Variants in TRANK1 observed in about 807,000 individuals in gnomAD.
TRANK1 encodes the protein TPR and ankyrin repeat-containing protein 1.
Under a neutral mutation model 266.0 loss-of-function variants are expected in TRANK1, and 198 were observed. The observed-to-expected ratio is 0.74, with a 90% CI of 0.66 to 0.84. The LOEUF (loss-of-function observed/expected upper bound fraction) is 0.84, where lower values mean the gene tolerates loss of function less well. TRANK1 is among the 40% of genes least tolerant of loss of function. The pLI, the probability that TRANK1 is intolerant of heterozygous loss-of-function variation, is 0.00. For synonymous variants in TRANK1, 1,396 were observed against 1,384.1 expected, an observed-to-expected ratio of 1.01 and a Z score of -0.19; for missense variants, 3,326 against 3,634.6, an observed-to-expected ratio of 0.92 and a Z score of 2.18.
chr3:36,859,915 A>T (rs1250075614), intron 11 of TRANK1, among the ~76,000 whole-genome samples: 1 of 152,166 alleles, frequency 6.6e-6, no homozygotes, highest in Non-Finnish European at 1.5e-5. Flanking sequence ...CCAACACCTA[A>T]AGGCTCTGCA....
intron 1 of TRANK1, among the ~76,000 whole-genome samples, chr3:36,940,622 A>T (rs75269825): frequency 6.6e-6 from 1 of 152,062 alleles, no homozygotes. Context: ...CTGACCTCCC[A>T]TACTTCTTCT....
intron 9 of TRANK1, 100 bp downstream of exon 9, chr3:36,874,026 G>A: frequency 1.0e-6 from 1 of 982,368 alleles, no homozygotes; most frequent in Non-Finnish European, 1.4e-6. Context: ...ATATATGTGT[G>A]TGTATATATA....
At chr3:36,906,691 G>A (rs1382823847) in intron 2 of TRANK1, among the ~76,000 whole-genome samples, 1 of 152,140 alleles carries the variant, frequency 6.6e-6, no homozygotes, top group Non-Finnish European at 1.5e-5. Context: ...GATAAAGGAA[G>A]GAGCCACAAG....
At chr3:36,911,984 C>T (rs1404935657) in intron 1 of TRANK1, among the ~76,000 whole-genome samples, 1 of 152,076 alleles carries the variant, frequency 6.6e-6, no homozygotes, top group African/African-American at 2.4e-5. Context: ...GTCAGGAGTT[C>T]GAGACCAGCC....
intron 10 of TRANK1, among the ~76,000 whole-genome samples, chr3:36,861,631 T>C (rs1018125522): frequency 2.0e-5 from 3 of 152,174 alleles, no homozygotes; most frequent in Admixed American, 2.0e-4. Flanking sequence ...TGTTTCCATC[T>C]GATCTTTGAT....
chr3:36,918,995 T>C (rs2080177370), intron 1 of TRANK1, among the ~76,000 whole-genome samples: 1 of 152,214 alleles, frequency 6.6e-6, no homozygotes, highest in Non-Finnish European at 1.5e-5. Context: ...ATAATTTATG[T>C]GCCCATAAAA....
Position 36,857,640 on chromosome 3 carries a change from G to T in TRANK1, c.2082C>A (p.Ala694=). ...SFKSVPCGAT[A]RTLPEGSAVP... ...CTGCACTTCCTTCAGGCAGTGTTCT[G>T]GCAGTGGCACCACATGGCACTGACT... The change falls in exon 13 of 24, where the codon GCC becomes GCA. Residue 694 remains alanine, a synonymous_variant. Transcript: ENST00000645898. The surrounding 1 kb of genome is among the most constrained non-coding windows in gnomAD (Gnocchi z 4.3). The T allele has an allele frequency of 6.2e-7, 1 of 1,614,006 alleles. No individual in the cohort carries two copies. The highest frequency in any genetic ancestry group is 8.5e-7 in the Non-Finnish European group (1 of 1,179,886).
chr3:36,916,585 T>C (rs537254072), intron 1 of TRANK1, among the ~76,000 whole-genome samples: 79 of 152,072 alleles, frequency 5.2e-4, no homozygotes, highest in South Asian at 4.2e-4. Flanking sequence ...CAAGATCCAA[T>C]TGATACTTCC....
At chr3:36,881,013 G>A (rs1345740666) in intron 8 of TRANK1, among the ~76,000 whole-genome samples, 4 of 150,612 alleles carry the variant, frequency 2.7e-5, no homozygotes, top group African/African-American at 7.3e-5. Flanking sequence ...TGGGTCTGTG[G>A]CATCTACAAC....
At chr3:36,911,010 C>T (rs1316219362) in intron 1 of TRANK1, among the ~76,000 whole-genome samples, 3 of 152,058 alleles carry the variant, frequency 2.0e-5, no homozygotes, top group African/African-American at 7.2e-5. Flanking sequence ...GCAGAGGTTG[C>T]AGTGAGCCAA....
intron 3 of TRANK1, among the ~76,000 whole-genome samples, chr3:36,900,679 C>T (rs2079861482): frequency 6.6e-6 from 1 of 151,302 alleles, no homozygotes; most frequent in South Asian, 2.1e-4. Flanking sequence ...AGTTCAAGAC[C>T]AGCCTGGGCA....
chr3:36,851,332 C>A lies in TRANK1; in HGVS notation c.4887+387G>T, dbSNP rs114304891. 2.2e-4 allele frequency: 224 copies of A among 1,001,064 alleles called. No individual in the cohort carries two copies. In the African/African-American group the frequency reaches 2.8e-3, roughly 12 times the overall value. 62.0% of individuals were successfully genotyped at this position (1,001,064 alleles called of 1,614,324 possible). The stretch of plus-strand genomic sequence containing the variant: ...GTCTCTATCTATGAACTGACCTTAC[C>A]CAGTTCTGTCATCACAGGGTGGACA... On this transcript the variant is annotated intron_variant, in intron 15 of 23. Transcript: ENST00000645898.
chr3:36,909,200 A>T lies in TRANK1; in HGVS notation c.24-746T>A, dbSNP rs560859771. ...AGGGTATTTGCCTCTTTCAGGTCAA[A>T]CCCCTATTTTGTTAAGTTTTGTAGC... On this transcript the variant is annotated intron_variant, in intron 1 of 23. Coordinates refer to ENST00000645898, the MANE Select transcript of TRANK1 (RefSeq NM_001329998.2). Among the ~76,000 whole-genome samples, 5 of 152,056 alleles carry T rather than the reference A, an allele frequency of 3.3e-5. No homozygotes were observed. The South Asian group carries it at 1.0e-3, about 32-fold the overall frequency.
At chr3:36,927,706 T>C (rs929382249) in intron 1 of TRANK1, among the ~76,000 whole-genome samples, 1 of 152,200 alleles carries the variant, frequency 6.6e-6, no homozygotes, top group Non-Finnish European at 1.5e-5. Flanking sequence ...ACAGTGCAGA[T>C]CTAGAGAAAG....
chr3:36,829,743 C>A, intron 22 of TRANK1, 81 bp from the exon 23 acceptor site: 1 of 1,437,062 alleles, frequency 7.0e-7, no homozygotes, highest in Non-Finnish European at 9.7e-7. Flanking sequence ...CCAGAGTCCC[C>A]ACATCCCAAG....
At chr3:36,874,425 G>A (rs987715927) in intron 8 of TRANK1, 129 bp from the exon 9 acceptor site, 1 of 970,566 alleles carries the variant, frequency 1.0e-6, no homozygotes, top group African/African-American at 1.7e-5. Flanking sequence ...TCTGTTTGTG[G>A]AGCCTGCACT....
intron 14 of TRANK1, 59 bp downstream of exon 14, chr3:36,852,087 A>G: frequency 6.6e-7 from 1 of 1,504,596 alleles, no homozygotes. Flanking sequence ...TAGCTTCTCA[A>G]ACTTTTTTCA....
chr3:36,860,933 G>A lies in TRANK1; in HGVS notation c.1468C>T (p.Leu490Phe). The change falls in exon 11 of 24, where the codon CTT becomes TTT. Residue 490 changes from leucine to phenylalanine, a missense_variant. By Grantham distance (22) the Leu-to-Phe change is conservative. Transcript: ENST00000645898. ...CCACTGTCTATCAGGCAGCCCAGAA[G>A]CTGTTTCTTCCGCTGGTCCCAGGTG... ...LSTWDQRKKQ[L>F]LGCLIDSGAL... The A allele has an allele frequency of 6.5e-7, 1 of 1,537,456 alleles. No individual in the cohort carries two copies. Among genetic ancestry groups the A allele is most frequent in the Non-Finnish European group, 8.7e-7 (1 of 1,146,952 alleles).
intron 6 of TRANK1, 100 bp from the exon 7 acceptor site, chr3:36,892,440 A>G: frequency 7.1e-7 from 1 of 1,405,698 alleles, no homozygotes; most frequent in Non-Finnish European, 9.5e-7. Context: ...TAAAACTTGG[A>G]TTAGCTGTGG....
Sources: gnomAD v4.1 joint callset for allele counts (sites outside exome capture counted in the v4.1 genomes callset) on GRCh38, gnomAD v4.1.1 for gene constraint, Gnocchi (gnomAD v3.1) non-coding constraint, MANE v1.5 for transcripts, NCBI Gene and HGNC (gene_info 2026-07-23, HGNC 2026-07-21) for gene names.